The following SPATA6 variants were observed in gnomAD, a reference collection of about 807,000 sequenced individuals.
SPATA6 encodes spermatogenesis associated 6, also known as spermatogenesis-associated protein 6.
SPATA6 carries 56 observed loss-of-function variants against 65.3 expected under a neutral mutation model. The observed-to-expected ratio is 0.86, with a 90% confidence interval of 0.69 to 1.07. The LOEUF is 1.07. SPATA6 is among the 50% of genes least tolerant of loss of function. The pLI, the probability that SPATA6 is intolerant of heterozygous loss-of-function variation, is 0.00. For synonymous variants in SPATA6, 199 were observed against 213.2 expected, an observed-to-expected ratio of 0.93 and a Z score of 0.58; for missense variants, 590 against 594.8, an observed-to-expected ratio of 0.99 and a Z score of 0.08.
the SPATA6 span, among the ~76,000 whole-genome samples, chr1:48,287,760 C>T: frequency 2.6e-5 from 4 of 152,230 alleles, no homozygotes; most frequent in African/African-American, 9.6e-5. Context: ...TTAAACTTCT[C>T]TTTATAAATT....
intron 3 of SPATA6, among the ~76,000 whole-genome samples, chr1:48,447,552 T>C (rs144231530): frequency 5.3e-4 from 80 of 152,218 alleles, no homozygotes; most frequent in African/African-American, 1.8e-3. Context: ...AATTTTCGAT[T>C]ACATGGGGAG....
chr1:48,353,932 T>C (rs1453689232), intron 11 of SPATA6, among the ~76,000 whole-genome samples: 3 of 151,902 alleles, frequency 2.0e-5, no homozygotes, highest in Non-Finnish European at 4.4e-5. Flanking sequence ...AAAGATACTA[T>C]TAAGAGTGAA....
intron 3 of SPATA6, among the ~76,000 whole-genome samples, chr1:48,447,770 T>C (rs985944130): frequency 6.6e-6 from 1 of 152,000 alleles, no homozygotes; most frequent in Non-Finnish European, 1.5e-5. Context: ...CCCCAAATAT[T>C]TGGAAATAAG....
chr1:48,443,733 TAAC>T (rs2148120576), intron 3 of SPATA6, among the ~76,000 whole-genome samples: 1 of 152,360 alleles, frequency 6.6e-6, no homozygotes, highest in East Asian at 1.9e-4. Flanking sequence ...CAAACTCTTA[TAAC>T]AACCTCTGGA....
intron 1 of SPATA6, 27 bp downstream of exon 1, chr1:48,471,931 G>T (rs1243071126): frequency 3.1e-6 from 5 of 1,609,628 alleles, no homozygotes; most frequent in Non-Finnish European, 4.2e-6. Flanking sequence ...CCAATGCCCG[G>T]GGGTGGGAGG....
At chr1:48,388,171 C>G (rs936383217) in intron 8 of SPATA6, among the ~76,000 whole-genome samples, 2 of 152,208 alleles carry the variant, frequency 1.3e-5, no homozygotes, top group East Asian at 1.9e-4. Context: ...AACTAGAACA[C>G]AGCCTCCACT....
At chr1:48,394,185 TAAAAG>T (rs1650350594) in intron 8 of SPATA6, among the ~76,000 whole-genome samples, 1 of 152,126 alleles carries the variant, frequency 6.6e-6, no homozygotes, top group Non-Finnish European at 1.5e-5. Flanking sequence ...AATAAAAAGT[TAAAAG>T]AAAACAACTC....
At chr1:48,351,335 C>CT (rs1267918980) in intron 11 of SPATA6, among the ~76,000 whole-genome samples, 1 of 151,924 alleles carries the variant, frequency 6.6e-6, no homozygotes, top group East Asian at 1.9e-4. Context: ...TTTTACTTGC[C>CT]TTATTACATT....
intron 11 of SPATA6, among the ~76,000 whole-genome samples, chr1:48,344,768 A>C (rs1458696068): frequency 6.6e-6 from 1 of 152,138 alleles, no homozygotes; most frequent in Non-Finnish European, 1.5e-5. Context: ...AAGATAAAGA[A>C]AGACAAAGAA....
At chr1:48,350,808 G>A (rs934939036) in intron 11 of SPATA6, among the ~76,000 whole-genome samples, 1 of 151,864 alleles carries the variant, frequency 6.6e-6, no homozygotes, top group African/African-American at 2.4e-5. Context: ...ATTAGGCAGT[G>A]AGTCCTCCAG....
At chr1:48,283,090 A>T in the SPATA6 span, among the ~76,000 whole-genome samples, 526 of 150,496 alleles carry the variant, frequency 3.5e-3, 3 homozygotes, top group African/African-American at 0.013. Context: ...AGAACAAAAA[A>T]CCAAACACCG....
At position 48,367,698 on chromosome 1, in the gene SPATA6, A is replaced by T. The variant is rs546415247; in HGVS notation, c.910-7928T>A. 4.5e-3 allele frequency among the ~76,000 whole-genome samples: 685 copies of T among 152,226 alleles called. 9 individuals are homozygous for T. Among genetic ancestry groups the T allele is most frequent in the African/African-American group, 0.016 (656 of 41,540 alleles). ...TTTGAGCCTATGTGTGTCTCTGCAC[A>T]TGAGATGGGTCTCCTGAGTACAGCA... On this transcript the variant is annotated intron_variant, in intron 9 of 12. Transcript: ENST00000371847.
chr1:48,284,961 T>C, the SPATA6 span, among the ~76,000 whole-genome samples: 5 of 152,320 alleles, frequency 3.3e-5, no homozygotes, highest in East Asian at 9.7e-4. Context: ...AGCGCTGTGC[T>C]GAGAGATCTA....
intron 8 of SPATA6, chr1:48,393,248 C>G (rs996935108): frequency 6.6e-6 from 1 of 151,996 alleles, no homozygotes; most frequent in Non-Finnish European, 1.5e-5. Flanking sequence ...GGAGAAATAC[C>G]ACATACCTCC....
At chr1:48,458,408 G>A (rs1484846065) in intron 1 of SPATA6, among the ~76,000 whole-genome samples, 1 of 152,090 alleles carries the variant, frequency 6.6e-6, no homozygotes, top group African/African-American at 2.4e-5. Context: ...TATGTTAAGT[G>A]AAAAAAGTTT....
chr1:48,381,622 A>G (rs915292175), intron 9 of SPATA6, among the ~76,000 whole-genome samples: 2 of 148,738 alleles, frequency 1.3e-5, no homozygotes, highest in Non-Finnish European at 1.5e-5. Context: ...ATAAACAATG[A>G]TATTTTAAGA....
At chr1:48,336,201 C>A (rs1646054959) in intron 11 of SPATA6, among the ~76,000 whole-genome samples, 1 of 152,008 alleles carries the variant, frequency 6.6e-6, no homozygotes, top group African/African-American at 2.4e-5. Context: ...ATTAGTTCAA[C>A]CATTGTGAAA....
chr1:48,382,950 G>T (rs1348095429), intron 9 of SPATA6, among the ~76,000 whole-genome samples: 3 of 145,568 alleles, frequency 2.1e-5, no homozygotes, highest in South Asian at 2.2e-4. Flanking sequence ...CTGGCCAGGT[G>T]GGGGGATGAC....
intron 3 of SPATA6, among the ~76,000 whole-genome samples, chr1:48,423,564 CTTTTTTT>C (rs781669150): frequency 2.5e-5 from 3 of 121,064 alleles, no homozygotes; most frequent in Non-Finnish European, 4.9e-5. Context: ...TTCTTTCTTT[CTTTTTTT>C]TTTTTTTTTT....
Sources: allele counts gnomAD v4.1 joint callset (sites outside exome capture counted in the v4.1 genomes callset), GRCh38; gene constraint gnomAD v4.1.1; transcripts MANE v1.5; gene names NCBI Gene and HGNC (gene_info 2026-07-23, HGNC 2026-07-21).